SNX31: variants seen among roughly 807,000 people sequenced by gnomAD.
SNX31 encodes the protein sorting nexin 31, also known as sorting nexin-31.
Under a neutral mutation model 65.4 loss-of-function variants are expected in SNX31, and 58 were observed. The observed-to-expected ratio is 0.89, with a 90% CI of 0.72 to 1.10. The LOEUF (loss-of-function observed/expected upper bound fraction) is 1.10, where lower values mean the gene tolerates loss of function less well. SNX31 is among the 50% of genes least tolerant of loss of function. The pLI is 0.00. For missense variants in SNX31, 523 were observed against 529.7 expected (o/e 0.99, Z 0.12); for synonymous variants, 181 against 190.1 (o/e 0.95, Z 0.39).
rs1256717810 is a variant in SNX31, at chr8:100,588,418, C to T, written c.1092+448G>A. Among the ~76,000 whole-genome samples the T allele has an allele frequency of 6.6e-6, 1 of 152,136 alleles. No homozygotes were observed. Among genetic ancestry groups the T allele is most frequent in the Non-Finnish European group, 1.5e-5 (1 of 68,026 alleles). ...TCATAAAAATCTGTATTGCCTAAGT[C>T]AGGGGTTGGCAAACAAGGCCAGACC... On this transcript the variant is annotated intron_variant, in intron 11 of 13. Transcript: ENST00000311812. This position sits in a 1 kb window ranked among gnomAD's most constrained non-coding sequence, Gnocchi z 4.8.
intron 4 of SNX31, chr8:100,618,137 C>G (rs762390100): frequency 2.6e-5 from 26 of 985,244 alleles, no homozygotes; most frequent in Admixed American, 6.1e-5. Context: ...TGGTGCTCTT[C>G]TAGCATATGG....
upstream of SNX31, among the ~76,000 whole-genome samples, chr8:100,652,651 G>A (rs555487063): frequency 6.6e-6 from 1 of 152,202 alleles, no homozygotes; most frequent in East Asian, 1.9e-4. Flanking sequence ...TACTTGGTGT[G>A]TAATCTTTTT....
At chr8:100,641,589 T>TACAC (rs1554587408) in intron 2 of SNX31, among the ~76,000 whole-genome samples, 1 of 22,282 alleles carries the variant, frequency 4.5e-5, no homozygotes, top group African/African-American at 3.6e-4. Flanking sequence ...TATATATATA[T>TACAC]ATATATACAC....
At position 100,588,819 on chromosome 8, in the gene SNX31, C is replaced by T. The variant is rs1814295309; in HGVS notation, c.1092+47G>A. Reference sequence around the variant, plus strand: ...GCTTCATCCACCCCAGCAAGCAAGACAGCATTTCAGCACAGAGGGTGTTCA... The same window carrying T: ...GCTTCATCCACCCCAGCAAGCAAGATAGCATTTCAGCACAGAGGGTGTTCA... On this transcript the variant is annotated intron_variant, in intron 11 of 13. Transcript: ENST00000311812. The surrounding 1 kb of genome is among the most constrained non-coding windows in gnomAD (Gnocchi z 4.8). The T allele has an allele frequency of 1.4e-6, 2 of 1,414,202 alleles. No individual in the cohort carries two copies. Among genetic ancestry groups the T allele is most frequent in the East Asian group, 4.6e-5 (2 of 43,758 alleles). The allele number at this position is 1,414,202 out of a possible 1,614,324, so 87.6% of individuals were successfully genotyped here.
At position 100,596,720 on chromosome 8, in the gene SNX31, G is replaced by A; in HGVS notation, c.897C>T (p.Cys299=). ...VLSVGNNEIS[C]CITLPDSQTQ... ...TCTGGCTGTCAGGCAGGGTGATGCA[G>A]CAGCTGATCTCATTATTGCCAACAG... The change falls in exon 10 of 14, where the codon TGC becomes TGT. Residue 299 remains cysteine, a synonymous_variant. Transcript: ENST00000311812. The A allele has an allele frequency of 6.2e-7, 1 of 1,614,134 alleles. No individual in the cohort carries two copies. The highest frequency in any genetic ancestry group is 1.3e-5 in the African/African-American group (1 of 75,024).
chr8:100,607,046 C>T (rs1270662609), intron 8 of SNX31, among the ~76,000 whole-genome samples: 1 of 152,176 alleles, frequency 6.6e-6, no homozygotes, highest in African/African-American at 2.4e-5. Flanking sequence ...ACACAACACA[C>T]ACACATACTT....
At chr8:100,595,920 C>T (rs1370735886) in intron 10 of SNX31, among the ~76,000 whole-genome samples, 1 of 152,034 alleles carries the variant, frequency 6.6e-6, no homozygotes, top group East Asian at 1.9e-4. Flanking sequence ...GGAGAAGTGG[C>T]CTACAAAAGT....
chr8:100,639,518 A>G (rs527318886), intron 2 of SNX31, among the ~76,000 whole-genome samples: 1 of 151,724 alleles, frequency 6.6e-6, no homozygotes, highest in South Asian at 2.1e-4. Flanking sequence ...CAGGTTTCCA[A>G]CTGTTGTAGT....
chr8:100,649,373 C>T, intron 1 of SNX31, 25 bp from the exon 2 acceptor site: 1 of 1,613,074 alleles, frequency 6.2e-7, no homozygotes, highest in South Asian at 1.1e-5. Context: ...ACACCCCGTC[C>T]CTGGTGAGCC....
At chr8:100,653,350 T>C (rs571506219), upstream of SNX31, among the ~76,000 whole-genome samples, 1 of 152,310 alleles carries the variant, frequency 6.6e-6, no homozygotes, top group East Asian at 1.9e-4. Context: ...CTGTAGTTGG[T>C]TGAATAGTGT....
chr8:100,586,055 G>A (rs1307695848), intron 11 of SNX31, among the ~76,000 whole-genome samples: 3 of 152,110 alleles, frequency 2.0e-5, no homozygotes, highest in Non-Finnish European at 4.4e-5. Flanking sequence ...CGAGTAGCTG[G>A]GATTACAGGT....
At chr8:100,582,411 A>C (rs1026596496) in intron 12 of SNX31, 6 of 152,116 alleles carry the variant, frequency 3.9e-5, no homozygotes, top group African/African-American at 1.4e-4. Context: ...CCTGCCTGAG[A>C]GGTTGGATTT....
intron 1 of SNX31, among the ~76,000 whole-genome samples, chr8:100,659,792 T>C (rs1809747307): frequency 6.6e-6 from 1 of 152,188 alleles, no homozygotes; most frequent in African/African-American, 2.4e-5. Context: ...ATCTTTCCAG[T>C]CTTTTCAACT....
rs565634489 is a variant in SNX31 at position 100,658,791 on chromosome 8, CA to C, written c.-58+4350del. ...AGCACACACGAGATGCTTCCGGGATCACCATACTTTCAAGAGGTTCTTTGCG... is the reference window on the plus strand; with the variant it reads ...AGCACACACGAGATGCTTCCGGGATCCCATACTTTCAAGAGGTTCTTTGCG... On this transcript the variant is annotated intron_variant, in intron 1 of 5. Transcript: ENST00000520352. 1.2e-3 allele frequency among the ~76,000 whole-genome samples: 180 copies of C among 152,270 alleles called. 1 individual carries two copies. Among genetic ancestry groups the C allele is most frequent in the Non-Finnish European group, 2.2e-3 (151 of 68,024 alleles).
intron 11 of SNX31, among the ~76,000 whole-genome samples, chr8:100,587,276 A>T (rs1056242746): frequency 6.6e-6 from 1 of 152,198 alleles, no homozygotes; most frequent in African/African-American, 2.4e-5. Context: ...TTTCCAGATA[A>T]GAGAGATATG....
At chr8:100,636,952 C>T (rs1269767886) in intron 2 of SNX31, among the ~76,000 whole-genome samples, 2 of 152,176 alleles carry the variant, frequency 1.3e-5, no homozygotes, top group Non-Finnish European at 2.9e-5. Context: ...AACTCCTGAC[C>T]TTAGGTGATC....
In SNX31 at chr8:100,649,477, C is replaced by A; in HGVS notation, c.38G>T (p.Arg13Leu). The A allele has an allele frequency of 6.3e-7, 1 of 1,584,660 alleles. No individual in the cohort carries two copies. Among genetic ancestry groups the A allele is most frequent in the East Asian group, 2.3e-5 (1 of 43,656 alleles). ...MHFCIPVSQQ[R>L]SDALGGRYVL... ...GTAGCGGCCCCCCAGCGCGTCGGAC[C>A]GCTGCTGGGACACCGGGATACAGAA... The change falls in exon 1 of 14, where the codon CGG becomes CTG. Residue 13 changes from arginine to leucine, a missense_variant. By Grantham distance (102) the Arg-to-Leu change is moderately radical. Coordinates refer to ENST00000311812, the MANE Select transcript of SNX31 (RefSeq NM_152628.4).
chr8:100,581,983 A>G (rs1390799635), intron 12 of SNX31, among the ~76,000 whole-genome samples: 1 of 152,194 alleles, frequency 6.6e-6, no homozygotes, highest in Non-Finnish European at 1.5e-5. Flanking sequence ...TTGGAAACCC[A>G]ATTTTCAAAA....
chr8:100,599,990 T>C (rs1815469718), intron 9 of SNX31, among the ~76,000 whole-genome samples: 1 of 152,156 alleles, frequency 6.6e-6, no homozygotes, highest in African/African-American at 2.4e-5. Flanking sequence ...GCCAAAGTGA[T>C]TTATAGCAGC....
Sources: gnomAD v4.1 joint callset for allele counts (sites outside exome capture counted in the v4.1 genomes callset) on GRCh38, gnomAD v4.1.1 for gene constraint, Gnocchi (gnomAD v3.1) non-coding constraint, MANE v1.5 for transcripts, NCBI Gene and HGNC (gene_info 2026-07-23, HGNC 2026-07-21) for gene names.